PATJ: variants seen among roughly 807,000 people sequenced by gnomAD.
PATJ encodes inaD-like protein.
PATJ carries 190 observed loss-of-function variants against 224.9 expected under a neutral mutation model. The ratio of observed to expected loss-of-function variants is 0.84; its 90% confidence interval spans 0.75 to 0.95. PATJ has a LOEUF of 0.95. PATJ is among the 40% of genes least tolerant of loss of function. The pLI is 0.00. For synonymous variants in PATJ, 769 were observed against 820.3 expected (o/e 0.94, Z 1.07); for missense variants, 2,121 against 2,270.3 (o/e 0.93, Z 1.34).
chr1:62,066,754 T>C (rs1303865836), intron 31 of PATJ, among the ~76,000 whole-genome samples: 1 of 152,170 alleles, frequency 6.6e-6, no homozygotes, highest in East Asian at 1.9e-4. Flanking sequence ...GAACTGGAGT[T>C]CAGTCTCCCT....
intron 27 of PATJ, among the ~76,000 whole-genome samples, chr1:61,949,696 T>A (rs1241520019): frequency 7.0e-6 from 1 of 142,664 alleles, no homozygotes; most frequent in East Asian, 2.1e-4. Context: ...CACTTGAGGT[T>A]AAGAGTTCGA....
intron 28 of PATJ, among the ~76,000 whole-genome samples, chr1:61,997,628 A>AATAC (rs1431373898): frequency 1.3e-5 from 2 of 152,154 alleles, no homozygotes; most frequent in African/African-American, 4.8e-5. Context: ...TAATGATTCT[A>AATAC]GAAGGTAATA....
rs560824865 is a variant in PATJ at position 62,127,892 on chromosome 1, C to A, written c.5044-80C>A. ...TCCTACCTCATGGAGGGATTTTGTT[C>A]CAACAGCTATCTATCTAGGGATAGT... On this transcript the variant is annotated intron_variant, in intron 39 of 43. Coordinates refer to ENST00000642238, the MANE Select transcript of PATJ (RefSeq NM_001350145.3). The A allele has an allele frequency of 2.7e-6, 4 of 1,473,826 alleles. No individual in the cohort carries two copies. The African/African-American group carries it at 4.2e-5, about 15-fold the overall frequency. The allele number at this position is 1,473,826 out of a possible 1,614,324, so 91.3% of individuals were successfully genotyped here.
chr1:61,999,790 A>G (rs1021075937), intron 28 of PATJ, among the ~76,000 whole-genome samples: 6 of 152,204 alleles, frequency 3.9e-5, no homozygotes, highest in African/African-American at 1.2e-4. Context: ...AAGTTTTGTC[A>G]TTACAGAAAG....
At chr1:61,943,452 GCCTGGCTTGGAGGGTC>G (rs1463210718) in intron 27 of PATJ, among the ~76,000 whole-genome samples, 1 of 152,192 alleles carries the variant, frequency 6.6e-6, no homozygotes, top group Admixed American at 6.5e-5. Flanking sequence ...TATGTCCTGT[GCCTGGCTTGGAGGGTC>G]CCACGCCCAC....
At chr1:62,026,426 T>C (rs1230895536) in intron 29 of PATJ, among the ~76,000 whole-genome samples, 1 of 151,864 alleles carries the variant, frequency 6.6e-6, no homozygotes, top group East Asian at 1.9e-4. Flanking sequence ...TATCCAGGCC[T>C]GGTGAGTTGT....
At chr1:61,950,838 T>C (rs1571462154) in intron 27 of PATJ, among the ~76,000 whole-genome samples, 2 of 152,168 alleles carry the variant, frequency 1.3e-5, no homozygotes, top group African/African-American at 4.8e-5. Context: ...ATCATCCATT[T>C]TTGGGCTTTT....
At chr1:62,023,638 C>A (rs1448448922) in intron 29 of PATJ, among the ~76,000 whole-genome samples, 1 of 152,164 alleles carries the variant, frequency 6.6e-6, no homozygotes, top group Non-Finnish European at 1.5e-5. Flanking sequence ...TAGGCTAAGA[C>A]TCGAAGGATA....
At chr1:61,777,150 T>C (rs770748764) in intron 7 of PATJ, among the ~76,000 whole-genome samples, 178 of 152,352 alleles carry the variant, frequency 1.2e-3, no homozygotes, top group Admixed American at 2.5e-3. Context: ...GTGAACCTGT[T>C]ATTTCAAGGA....
chr1:61,905,771 TCAAAA>T (rs1040421444), intron 24 of PATJ, among the ~76,000 whole-genome samples: 1 of 152,084 alleles, frequency 6.6e-6, no homozygotes, highest in African/African-American at 2.4e-5. Flanking sequence ...ACTCTCACAC[TCAAAA>T]CAGAATACTA....
intron 1 of PATJ, among the ~76,000 whole-genome samples, chr1:61,752,163 C>G (rs1341254231): frequency 6.7e-6 from 1 of 149,640 alleles, no homozygotes; most frequent in African/African-American, 2.5e-5. Context: ...AAGAAGCCTA[C>G]CATATAGCAG....
intron 31 of PATJ, among the ~76,000 whole-genome samples, chr1:62,067,288 G>A (rs746608947): frequency 2.5e-4 from 38 of 151,490 alleles, no homozygotes; most frequent in Middle Eastern, 3.5e-3. Flanking sequence ...CACCACGCCC[G>A]GCTAATTTTT....
intron 28 of PATJ, among the ~76,000 whole-genome samples, chr1:61,994,930 C>A (rs1645270732): frequency 6.6e-6 from 1 of 152,304 alleles, no homozygotes; most frequent in South Asian, 2.1e-4. Context: ...GAATTAAATT[C>A]ATGTGAGAAC....
intron 31 of PATJ, among the ~76,000 whole-genome samples, chr1:62,058,847 A>T (rs1291536998): frequency 1.3e-5 from 2 of 152,200 alleles, no homozygotes; most frequent in East Asian, 3.9e-4. Flanking sequence ...TCTAACGCAG[A>T]GGTCACAAGC....
chr1:61,879,580 G>T (rs1667802723), intron 21 of PATJ, among the ~76,000 whole-genome samples: 1 of 149,378 alleles, frequency 6.7e-6, no homozygotes, highest in South Asian at 2.2e-4. Flanking sequence ...AAAAAATAAG[G>T]CTCACAGGAC....
At chr1:62,149,128 CAA>C (rs773276557) in intron 42 of PATJ, among the ~76,000 whole-genome samples, 1,902 of 60,364 alleles carry the variant, frequency 0.032, 35 homozygotes, top group African/African-American at 0.099. Flanking sequence ...AACTCCATCT[CAA>C]AAAAAAAAAA....
intron 29 of PATJ, among the ~76,000 whole-genome samples, chr1:62,034,210 A>C (rs1649895670): frequency 6.6e-6 from 1 of 152,186 alleles, no homozygotes; most frequent in Non-Finnish European, 1.5e-5. Context: ...TGGGAGGCCA[A>C]GGCGGGCAGA....
rs1660075639 is a variant in PATJ at position 62,086,976 on chromosome 1, G to A, written c.4377+2328G>A. On this transcript the variant is annotated intron_variant, in intron 33 of 43. Transcript: ENST00000642238. The surrounding 1 kb of genome is among the most constrained non-coding windows in gnomAD (Gnocchi z 4.0). ...TAACCTCCGTCGTCCGTGGACAGCG[G>A]TACGTTATCAGCTCAGTGGGCCCCT... Among the ~76,000 whole-genome samples, 1 of 152,152 alleles carries A rather than the reference G, an allele frequency of 6.6e-6. No homozygotes were observed. Among genetic ancestry groups the A allele is most frequent in the Admixed American group, 6.5e-5 (1 of 15,280 alleles).
intron 39 of PATJ, among the ~76,000 whole-genome samples, chr1:62,125,951 A>G (rs1476843141): frequency 6.6e-6 from 1 of 152,126 alleles, no homozygotes; most frequent in Admixed American, 6.5e-5. Context: ...TTGTATTTTC[A>G]GTAGAGACAG....
Sources: allele counts gnomAD v4.1 joint callset (sites outside exome capture counted in the v4.1 genomes callset), GRCh38; gene constraint gnomAD v4.1.1; non-coding constraint Gnocchi (gnomAD v3.1); transcripts MANE v1.5; gene names NCBI Gene and HGNC (gene_info 2026-07-23, HGNC 2026-07-21).